The following NELL1 variants were observed in gnomAD, a reference collection of about 807,000 sequenced individuals.
NELL1 encodes the protein neural EGFL like 1.
Under a neutral mutation model 107.4 loss-of-function variants are expected in NELL1, and 76 were observed. That is an observed-to-expected ratio of 0.71 (90% CI 0.59 to 0.86). NELL1 has a LOEUF of 0.86. NELL1 is among the 40% of genes least tolerant of loss of function. NELL1 has a pLI of 0.00. For synonymous variants in NELL1, 353 were observed against 341.2 expected (o/e 1.03, Z -0.38); for missense variants, 1,024 against 1,005.5 (o/e 1.02, Z -0.25).
intron 4 of NELL1, among the ~76,000 whole-genome samples, chr11:20,868,549 ACAT>A (rs1357320592): frequency 1.3e-5 from 2 of 152,194 alleles, no homozygotes; most frequent in Non-Finnish European, 2.9e-5. Context: ...TTTGTTATAA[ACAT>A]CACAATTTAA....
At chr11:20,830,912 C>G (rs1045716698) in intron 3 of NELL1, among the ~76,000 whole-genome samples, 1 of 152,126 alleles carries the variant, frequency 6.6e-6, no homozygotes, top group Non-Finnish European at 1.5e-5. Flanking sequence ...GCCCCACCCC[C>G]CAACACCACC....
chr11:21,281,980 A>C (rs1032934858), intron 14 of NELL1, among the ~76,000 whole-genome samples: 1 of 152,224 alleles, frequency 6.6e-6, no homozygotes, highest in African/African-American at 2.4e-5. Context: ...AGACAACAAA[A>C]GCAAAAGTGG....
chr11:21,408,369 T>G (rs1273362550), intron 15 of NELL1, among the ~76,000 whole-genome samples: 1 of 151,988 alleles, frequency 6.6e-6, no homozygotes, highest in Non-Finnish European at 1.5e-5. Flanking sequence ...GAGATCTTCC[T>G]GTCTCCTGAT....
At position 21,470,433 on chromosome 11, in the gene NELL1, A is replaced by G. The variant is rs80136236; in HGVS notation, c.1646-63941A>G. ...TCACCATTCAAACATGTTTCCCAAT[A>G]TACTTTTTCAAAACATTTTTGTCTT... On this transcript the variant is annotated intron_variant, in intron 15 of 19. Transcript: ENST00000357134. 1.8e-4 allele frequency among the ~76,000 whole-genome samples: 27 copies of G among 152,100 alleles called. No individual in the cohort carries two copies. In the East Asian group the frequency reaches 4.6e-3, roughly 26 times the overall value.
At chr11:20,835,634 T>C (rs546315680) in intron 3 of NELL1, among the ~76,000 whole-genome samples, 5 of 152,212 alleles carry the variant, frequency 3.3e-5, no homozygotes, top group African/African-American at 4.8e-5. Context: ...GACAAAATAG[T>C]ATGTTTATAC....
At chr11:21,404,632 C>CT (rs774930256) in intron 15 of NELL1, among the ~76,000 whole-genome samples, 1 of 151,912 alleles carries the variant, frequency 6.6e-6, no homozygotes, top group Non-Finnish European at 1.5e-5. Flanking sequence ...TAAAATGATA[C>CT]TTTTTGCTAC....
At chr11:21,396,603 G>A (rs1310089527) in intron 15 of NELL1, among the ~76,000 whole-genome samples, 1 of 151,614 alleles carries the variant, frequency 6.6e-6, no homozygotes, top group South Asian at 2.1e-4. Flanking sequence ...AGGAGCATTA[G>A]GGGAGATAAG....
At chr11:21,288,953 A>G (rs1402974674) in intron 14 of NELL1, among the ~76,000 whole-genome samples, 1 of 152,160 alleles carries the variant, frequency 6.6e-6, no homozygotes, top group African/African-American at 2.4e-5. Flanking sequence ...TCTAAGAAGG[A>G]GTGTTCTAAG....
intron 12 of NELL1, among the ~76,000 whole-genome samples, chr11:20,975,987 CAT>C (rs1851620503): frequency 8.0e-6 from 1 of 124,490 alleles, no homozygotes; most frequent in South Asian, 2.5e-4. Context: ...TATATCTGTA[CAT>C]ATATGTGTAT....
intron 13 of NELL1, among the ~76,000 whole-genome samples, chr11:21,173,635 A>C (rs1223927893): frequency 6.6e-6 from 1 of 151,892 alleles, no homozygotes; most frequent in Non-Finnish European, 1.5e-5. Context: ...TCTGTCTTCA[A>C]GAAGAGGCAA....
chr11:20,985,017 T>G (rs977862815), intron 12 of NELL1, among the ~76,000 whole-genome samples: 3 of 152,166 alleles, frequency 2.0e-5, no homozygotes, highest in Admixed American at 2.0e-4. Context: ...GTCAACTTTG[T>G]TTGCTGAAAA....
intron 3 of NELL1, among the ~76,000 whole-genome samples, chr11:20,791,866 T>C (rs1249666014): frequency 6.6e-6 from 1 of 152,074 alleles, no homozygotes; most frequent in Non-Finnish European, 1.5e-5. Context: ...TCTACTGAGA[T>C]GATAACATAG....
intron 15 of NELL1, among the ~76,000 whole-genome samples, chr11:21,428,928 A>T (rs1852898691): frequency 6.6e-6 from 1 of 152,202 alleles, no homozygotes; most frequent in African/African-American, 2.4e-5. Context: ...GGTGTGCAGG[A>T]TCCATTTAGC....
chr11:21,364,431 A>G (rs1388492421), intron 14 of NELL1, among the ~76,000 whole-genome samples: 2 of 142,400 alleles, frequency 1.4e-5, no homozygotes, highest in East Asian at 4.0e-4. Context: ...AAAAAAAAAA[A>G]AAAAAAGACT....
intron 5 of NELL1, among the ~76,000 whole-genome samples, chr11:20,905,019 T>C (rs1033018227): frequency 6.6e-5 from 10 of 150,662 alleles, no homozygotes; most frequent in Non-Finnish European, 8.9e-5. Context: ...TTTTTTTTTT[T>C]CACAGAGACA....
chr11:21,086,828 C>CTTTTTTT (rs35537964), intron 12 of NELL1, among the ~76,000 whole-genome samples: 4 of 112,952 alleles, frequency 3.5e-5, no homozygotes, highest in African/African-American at 6.9e-5. Context: ...CTTAATGGAT[C>CTTTTTTT]TTTTTTTTTT....
At position 21,407,126 on chromosome 11, in the gene NELL1, A is replaced by G. The variant is rs115439385; in HGVS notation, c.1645+36178A>G. On this transcript the variant is annotated intron_variant, in intron 15 of 19. Coordinates refer to ENST00000357134, the MANE Select transcript of NELL1 (RefSeq NM_006157.5). ...TATCTGAATTCTGTCTTGAAATACT[A>G]TCTTTCTGGCAGGTCATGGTGGCTC... is the stretch of plus-strand genomic sequence containing the variant. Among the ~76,000 whole-genome samples, 1,265 of 152,096 alleles carry G rather than the reference A, an allele frequency of 8.3e-3. 19 individuals carry two copies. Among genetic ancestry groups the G allele is most frequent in the African/African-American group, 0.028 (1,163 of 41,538 alleles).
chr11:20,833,729 G>A (rs954154162), intron 3 of NELL1, among the ~76,000 whole-genome samples: 2 of 152,172 alleles, frequency 1.3e-5, no homozygotes, highest in Admixed American at 1.3e-4. Flanking sequence ...TCCTGGGGAG[G>A]TGACATTTAA....
intron 2 of NELL1, among the ~76,000 whole-genome samples, chr11:20,743,648 TC>T (rs1289992432): frequency 2.0e-5 from 3 of 152,180 alleles, no homozygotes; most frequent in Admixed American, 2.0e-4. Flanking sequence ...GACCCTTATT[TC>T]CCTGTAACCT....
Sources: gnomAD v4.1 joint callset for allele counts (sites outside exome capture counted in the v4.1 genomes callset) on GRCh38, gnomAD v4.1.1 for gene constraint, MANE v1.5 for transcripts, NCBI Gene and HGNC (gene_info 2026-07-23, HGNC 2026-07-21) for gene names.